The following ZNF791 variants were observed in gnomAD, a reference collection of about 807,000 sequenced individuals.
ZNF791 encodes the protein zinc finger protein 791.
ZNF791 carries 4 observed loss-of-function variants against 11.5 expected under a neutral mutation model. The observed-to-expected ratio is 0.35, with a 90% CI of 0.17 to 0.80. The LOEUF (loss-of-function observed/expected upper bound fraction) is 0.80. Among genes scored for constraint, ZNF791 ranks in the 30% least tolerant of loss-of-function variants. The pLI, the probability that ZNF791 is intolerant of heterozygous loss-of-function variation, is 0.53. For synonymous variants in ZNF791, 212 were observed against 228.1 expected, an observed-to-expected ratio of 0.93 and a Z score of 0.64; for missense variants, 559 against 699.4, an observed-to-expected ratio of 0.80 and a Z score of 2.26.
intron 1 of ZNF791, among the ~76,000 whole-genome samples, chr19:12,622,395 AAAAGACTGTCTCAAAC>A: frequency 7.2e-6 from 1 of 139,836 alleles, no homozygotes; most frequent in Non-Finnish European, 1.5e-5. Context: ...AATAATAAAA[AAAAGACTGTCTCAAAC>A]AAAAAAAAAA....
intron 1 of ZNF791, chr19:12,623,372 T>G: frequency 3.7e-6 from 1 of 273,432 alleles, no homozygotes; most frequent in South Asian, 4.0e-5. Context: ...ACCACTGCAC[T>G]CCAGCCTAGG....
At chr19:12,627,676 T>C (rs761511136) in intron 3 of ZNF791, 45 bp from the exon 4 acceptor site, 1 of 1,468,356 alleles carries the variant, frequency 6.8e-7, no homozygotes, top group South Asian at 1.3e-5. Context: ...ACATATAAAA[T>C]CATTAATACA....
Position 12,611,746 on chromosome 19 carries a change from C to T in ZNF791, c.3+664C>T, listed in dbSNP as rs149660088. Among the ~76,000 whole-genome samples, 310 of 152,276 alleles carry T rather than the reference C, an allele frequency of 2.0e-3. 1 individual carries two copies. Among genetic ancestry groups the T allele is most frequent in the African/African-American group, 7.1e-3 (295 of 41,546 alleles). On this transcript the variant is annotated intron_variant, in intron 1 of 3. Transcript: ENST00000343325. Reference sequence around the variant, plus strand: ...AAATGCTGTGGCCCTCATCCTGGTACCTTTCCAGGGCACAGACATCCTATG... The same window carrying T: ...AAATGCTGTGGCCCTCATCCTGGTATCTTTCCAGGGCACAGACATCCTATG...
Position 12,628,816 on chromosome 19 carries a change from A to G in ZNF791, c.1287A>G (p.Arg429=). Residue 429 remains arginine (R), a synonymous_variant, in exon 4 of 4, where the codon AGA becomes AGG. Transcript: ENST00000343325. ...TCATTTCTCTTGAGAACTTTCGAAG[A>G]CACATGATCACCCACACTGGAGACG... is the stretch of plus-strand genomic sequence containing the variant. ...KTFISLENFR[R]HMITHTGDGP... is the part of the protein sequence containing the mutation. 6.2e-7 allele frequency: 1 copy of G among 1,614,178 alleles called. No homozygotes were observed.
chr19:12,615,448 G>A (rs1252241082), intron 1 of ZNF791, among the ~76,000 whole-genome samples: 3 of 152,070 alleles, frequency 2.0e-5, no homozygotes, highest in African/African-American at 7.2e-5. Context: ...TTCATGGCTT[G>A]ATACCTGATT....
At chr19:12,623,854 T>C in intron 2 of ZNF791, 28 bp downstream of exon 2, 1 of 434,862 alleles carries the variant, frequency 2.3e-6, no homozygotes, top group Non-Finnish European at 3.6e-6. Flanking sequence ...TTTTCTTTTT[T>C]CTTTTTTTTT....
Position 12,631,072 on chromosome 19 carries a change from T to G in ZNF791, c.*1812T>G, listed in dbSNP as rs1373867318. On this transcript the variant is annotated 3_prime_UTR_variant, in exon 4 of 4. Transcript: ENST00000343325. ...ACTCACCCAGAGCAACTTCTAGTCC[T>G]GCAAGCTATGTTCATGGAGTGTCCT... is the stretch of plus-strand genomic sequence containing the variant. The G allele has an allele frequency of 6.6e-6, 1 of 152,226 alleles. No individual in the cohort carries two copies. The highest frequency in any genetic ancestry group is 2.4e-5 in the African/African-American group (1 of 41,462). The allele number at this position is 152,226 out of a possible 1,614,324, so 9.4% of individuals were successfully genotyped here.
rs1212874416 is a variant in ZNF791 at position 12,631,131 on chromosome 19, C to T, written c.*1871C>T. The T allele has an allele frequency of 6.6e-6, 1 of 152,154 alleles. No individual in the cohort carries two copies. Among genetic ancestry groups the T allele is most frequent in the African/African-American group, 2.4e-5 (1 of 41,440 alleles). 9.4% of individuals were successfully genotyped at this position (152,154 alleles called of 1,614,324 possible). A position where few individuals can be genotyped will look rare whatever the true frequency, so the allele number is the denominator to read the frequency against. ...GCATCCTTTTTTATCTTTTATACTG[C>T]ATGTTTACTCTGTGTATTTTCTGTG... On this transcript the variant is annotated 3_prime_UTR_variant, in exon 4 of 4. Coordinates refer to ENST00000343325, the MANE Select transcript of ZNF791 (RefSeq NM_153358.3).
chr19:12,621,803 GT>G (rs1414189987), intron 1 of ZNF791, among the ~76,000 whole-genome samples: 4 of 138,684 alleles, frequency 2.9e-5, no homozygotes, highest in African/African-American at 1.1e-4. Flanking sequence ...CAGCCGCCCC[GT>G]CCGGGAGGTG....
At chr19:12,611,242 C>A (rs1025454828) in intron 1 of ZNF791, among the ~76,000 whole-genome samples, 160 bp downstream of exon 1, 2 of 152,218 alleles carry the variant, frequency 1.3e-5, no homozygotes, top group Non-Finnish European at 2.9e-5. Flanking sequence ...GCCCCGGAGC[C>A]CTCTCTGGAC....
At chr19:12,623,870 T>TTTTTTGG in intron 2 of ZNF791, 44 bp downstream of exon 2, 1 of 712,926 alleles carries the variant, frequency 1.4e-6, no homozygotes, top group Non-Finnish European at 2.0e-6. Context: ...TTTTTTTTTT[T>TTTTTTGG]GGGGGGGGAC....
intron 1 of ZNF791, among the ~76,000 whole-genome samples, chr19:12,622,827 G>A (rs1169830294): frequency 6.6e-6 from 1 of 150,816 alleles, no homozygotes; most frequent in Non-Finnish European, 1.5e-5. Flanking sequence ...TGGAGGGGCG[G>A]AGGTTGCAGT....
chr19:12,612,269 G>A (rs1177896898), intron 1 of ZNF791: 4 of 338,878 alleles, frequency 1.2e-5, no homozygotes, highest in Non-Finnish European at 1.7e-5. Context: ...GAACTCCTGG[G>A]CTCAAGCGAT....
chr19:12,633,239 A>AT lies in ZNF791; in HGVS notation c.*3981dup, dbSNP rs1227315777. ...TTATTATTTTCGCCTTTTTTTTATA[A>AT]TTCTGTCTGGGATTTGAATAGTAGA... is the stretch of plus-strand genomic sequence containing the variant. On this transcript the variant is annotated 3_prime_UTR_variant, in exon 4 of 4. Transcript: ENST00000343325. The AT allele has an allele frequency of 6.6e-6, 1 of 151,944 alleles. No homozygotes were observed. Among genetic ancestry groups the AT allele is most frequent in the Non-Finnish European group, 1.5e-5 (1 of 68,012 alleles). The allele number at this position is 151,944 out of a possible 1,614,324, so 9.4% of individuals were successfully genotyped here. A position where few individuals can be genotyped will look rare whatever the true frequency, so the allele number is the denominator to read the frequency against.
chr19:12,617,206 T>C (rs1417043106), intron 1 of ZNF791, among the ~76,000 whole-genome samples: 1 of 150,522 alleles, frequency 6.6e-6, no homozygotes, highest in Non-Finnish European at 1.5e-5. Flanking sequence ...GCTCACTGCA[T>C]CCTCCGCCTC....
At chr19:12,625,357 G>A (rs1408403672) in intron 3 of ZNF791, among the ~76,000 whole-genome samples, 1 of 151,398 alleles carries the variant, frequency 6.6e-6, no homozygotes, top group African/African-American at 2.4e-5. Flanking sequence ...CTGACCTCAG[G>A]TGATCTGCCC....
In ZNF791 at chr19:12,628,659, C is replaced by G. The variant is rs1469992806; in HGVS notation, c.1130C>G (p.Thr377Ser). The change falls in exon 4 of 4, where the codon ACT (threonine) becomes AGT (serine). Residue 377 changes from threonine (T) to serine (S), a missense_variant. Physicochemically the swap from Thr to Ser is moderately conservative, Grantham distance 58. Coordinates refer to ENST00000343325, the MANE Select transcript of ZNF791 (RefSeq NM_153358.3). ...AGTTACTTTCGAATACATGAAAGGA[C>G]TCACACTGGAGAGAAACCCTACGAA... The part of the protein sequence containing the change: ...RISYFRIHER[T>S]HTGEKPYECK... 6.2e-7 allele frequency: 1 copy of G among 1,604,986 alleles called. No homozygotes were observed. The highest frequency in any genetic ancestry group is 8.5e-7 in the Non-Finnish European group (1 of 1,176,392).
chr19:12,626,178 G>A (rs140057896), intron 3 of ZNF791, among the ~76,000 whole-genome samples: 4,120 of 152,072 alleles, frequency 0.027, 90 homozygotes, highest in East Asian at 0.11. Context: ...CACCATGCCC[G>A]GCTAATTTTT....
intron 1 of ZNF791, among the ~76,000 whole-genome samples, chr19:12,618,238 A>G (rs972060275): frequency 7.9e-5 from 12 of 152,172 alleles, no homozygotes; most frequent in Admixed American, 7.9e-4. Context: ...CTTTTTCACA[A>G]GTATTGTATT....
Sources: allele counts gnomAD v4.1 joint callset (sites outside exome capture counted in the v4.1 genomes callset), GRCh38; gene constraint gnomAD v4.1.1; transcripts MANE v1.5; gene names NCBI Gene and HGNC (gene_info 2026-07-23, HGNC 2026-07-21).